Variants in ANO4 observed in about 807,000 individuals in gnomAD.
ANO4 encodes the protein anoctamin-4.
A neutral mutation model predicts 141.9 loss-of-function variants in ANO4; 69 were observed. The observed-to-expected ratio is 0.49, with a 90% CI of 0.40 to 0.59. The LOEUF is 0.59. Ranked by LOEUF, ANO4 falls within the 20% of genes least tolerant of loss-of-function variation. ANO4 has a pLI of 0.00. For synonymous variants in ANO4, 350 were observed against 394.3 expected (o/e 0.89, Z 1.33); for missense variants, 894 against 1,162.2 (o/e 0.77, Z 3.36).
At chr12:100,891,971 A>G (rs1440407290) in intron 1 of ANO4, among the ~76,000 whole-genome samples, 1 of 152,322 alleles carries the variant, frequency 6.6e-6, no homozygotes, top group East Asian at 1.9e-4. Flanking sequence ...TATGAGTTCA[A>G]AATTCCACAA....
intron 1 of ANO4, among the ~76,000 whole-genome samples, chr12:100,729,769 C>T (rs1355005571): frequency 6.6e-6 from 1 of 152,168 alleles, no homozygotes; most frequent in Non-Finnish European, 1.5e-5. Context: ...TCCTTCAGGT[C>T]ATCACTTTGC....
chr12:101,106,559 ATG>A (rs570692866), intron 22 of ANO4, among the ~76,000 whole-genome samples: 6,682 of 134,386 alleles, frequency 0.05, 210 homozygotes, highest in Non-Finnish European at 0.07. Flanking sequence ...ATGGATATTC[ATG>A]TGTGTGTGTG....
At chr12:100,752,162 C>T (rs952028028) in intron 3 of ANO4, among the ~76,000 whole-genome samples, 7 of 152,124 alleles carry the variant, frequency 4.6e-5, no homozygotes, top group Admixed American at 4.6e-4. Context: ...TGGATTCCTT[C>T]TCTCCCTTCT....
intron 12 of ANO4, among the ~76,000 whole-genome samples, chr12:101,042,817 T>C (rs553068103): frequency 2.0e-5 from 3 of 152,336 alleles, no homozygotes; most frequent in African/African-American, 7.2e-5. Context: ...AATTCTCTCT[T>C]ATGAATTCTG....
chr12:100,895,405 C>A (rs2136005422), intron 1 of ANO4, among the ~76,000 whole-genome samples: 1 of 152,064 alleles, frequency 6.6e-6, no homozygotes, highest in East Asian at 1.9e-4. Flanking sequence ...ACACTGCTAA[C>A]TGTGCAGTGA....
At chr12:101,031,556 A>G (rs534363688) in intron 9 of ANO4, among the ~76,000 whole-genome samples, 2 of 152,296 alleles carry the variant, frequency 1.3e-5, no homozygotes, top group Non-Finnish European at 2.9e-5. Flanking sequence ...ACTCTTACTC[A>G]TCATAGTATT....
chr12:100,834,764 A>T (rs919654540), intron 1 of ANO4, among the ~76,000 whole-genome samples: 1 of 152,146 alleles, frequency 6.6e-6, no homozygotes, highest in Non-Finnish European at 1.5e-5. Flanking sequence ...GAAGTTTTAA[A>T]AAGTGATTGG....
At chr12:101,006,279 A>AT (rs536076354) in intron 8 of ANO4, among the ~76,000 whole-genome samples, 1 of 152,096 alleles carries the variant, frequency 6.6e-6, no homozygotes, top group Non-Finnish European at 1.5e-5. Context: ...ATTCTGATTT[A>AT]TTTTTTTAAT....
intron 8 of ANO4, among the ~76,000 whole-genome samples, chr12:100,987,888 A>G (rs1008210751): frequency 9.9e-5 from 15 of 152,126 alleles, no homozygotes; most frequent in Admixed American, 1.3e-4. Context: ...AGATGATACA[A>G]TGCTTGCTCA....
At chr12:100,945,748 A>G (rs1280051064) in intron 5 of ANO4, among the ~76,000 whole-genome samples, 2 of 152,200 alleles carry the variant, frequency 1.3e-5, no homozygotes, top group African/African-American at 4.8e-5. Flanking sequence ...AATCATGTGA[A>G]ACATTGGGGA....
intron 1 of ANO4, among the ~76,000 whole-genome samples, chr12:100,897,390 T>C (rs967675331): frequency 6.6e-6 from 1 of 152,200 alleles, no homozygotes; most frequent in Non-Finnish European, 1.5e-5. Flanking sequence ...AAAAACTTGC[T>C]GCACAGTGAA....
At chr12:100,870,883 T>A (rs2038999277) in intron 1 of ANO4, among the ~76,000 whole-genome samples, 1 of 152,210 alleles carries the variant, frequency 6.6e-6, no homozygotes, top group Non-Finnish European at 1.5e-5. Context: ...AGTCTTCTTC[T>A]TCACAGTGAT....
rs558688843 is a variant in ANO4, at chr12:100,734,576, A to G, written c.106+719A>G. On this transcript the variant is annotated intron_variant, in intron 2 of 29. Transcript: ENST00000644049. ...CCTGCATACATTATTTTACTTAATC[A>G]GAACTCTATGAGCAAGTTACTGTTA... Among the ~76,000 whole-genome samples, 27 of 152,358 alleles carry G rather than the reference A, an allele frequency of 1.8e-4. 2 individuals are homozygous for G. Among genetic ancestry groups the G allele is most frequent in the African/African-American group, 6.5e-4 (27 of 41,592 alleles).
intron 3 of ANO4, among the ~76,000 whole-genome samples, chr12:100,928,297 T>C (rs928994149): frequency 6.6e-6 from 1 of 152,080 alleles, no homozygotes; most frequent in Non-Finnish European, 1.5e-5. Flanking sequence ...TTTCCACATC[T>C]GTAAAAGGAA....
chr12:100,971,220 G>A, intron 5 of ANO4, 86 bp from the exon 6 acceptor site: 8 of 885,020 alleles, frequency 9.0e-6, no homozygotes, highest in Non-Finnish European at 1.3e-5. Flanking sequence ...ACTCTGTCCA[G>A]GTCCATGCAT....
At chr12:100,909,579 G>C (rs2041008899) in intron 2 of ANO4, among the ~76,000 whole-genome samples, 1 of 152,150 alleles carries the variant, frequency 6.6e-6, no homozygotes, top group Admixed American at 6.5e-5. Flanking sequence ...ATAAGGTTAT[G>C]GCAGCATAAC....
At chr12:100,939,249 C>T in intron 3 of ANO4, 66 bp from the exon 4 acceptor site, 1 of 1,501,964 alleles carries the variant, frequency 6.7e-7, no homozygotes, top group Non-Finnish European at 9.1e-7. Context: ...GATGTTTTCT[C>T]TTTTAGCATT....
chr12:100,983,794 C>T (rs143517846), intron 7 of ANO4, among the ~76,000 whole-genome samples: 2 of 152,168 alleles, frequency 1.3e-5, no homozygotes, highest in African/African-American at 4.8e-5. Flanking sequence ...TCAGGATGCT[C>T]CCCCTATCTT....
intron 3 of ANO4, among the ~76,000 whole-genome samples, chr12:100,755,010 C>T (rs755012538): frequency 2.0e-4 from 31 of 152,094 alleles, no homozygotes; most frequent in Non-Finnish European, 4.0e-4. Context: ...TATGAATGTA[C>T]TGAATGTCAC....
Sources: gnomAD v4.1 joint callset for allele counts (sites outside exome capture counted in the v4.1 genomes callset) on GRCh38, gnomAD v4.1.1 for gene constraint, MANE v1.5 for transcripts, NCBI Gene and HGNC (gene_info 2026-07-23, HGNC 2026-07-21) for gene names.